The following SMIM27 variants were observed in gnomAD, a reference collection of about 807,000 sequenced individuals.
SMIM27 encodes the protein transition zone microprotein 1, also known as TOPORS antisense RNA 1 (non-protein coding).
Under a neutral mutation model 1.8 loss-of-function variants are expected in SMIM27, and 3 were observed. That is an observed-to-expected ratio of 1.65 (90% CI 0.75 to 4.28). SMIM27 has a LOEUF of 4.28. Among genes scored for constraint, SMIM27 ranks in the 30% most tolerant of loss-of-function variants. The pLI is 0.02. For missense variants in SMIM27, 63 were observed against 37.0 expected (o/e 1.70, Z -1.83); for synonymous variants, 19 against 13.9 (o/e 1.37, Z -0.82).
intron 1 of SMIM27, among the ~76,000 whole-genome samples, chr9:32,561,593 T>C (rs1250041145): frequency 6.6e-6 from 1 of 152,062 alleles, no homozygotes; most frequent in Non-Finnish European, 1.5e-5. Flanking sequence ...CCTCCCAAAG[T>C]GCCAGGATTA....
intron 1 of SMIM27, chr9:32,566,351 A>AG: frequency 8.5e-7 from 1 of 1,179,230 alleles, no homozygotes; most frequent in South Asian, 1.2e-5. Flanking sequence ...CCACCAGTGT[A>AG]GGAATGATGG....
chr9:32,563,491 C>CTTTTT (rs111646430), intron 1 of SMIM27, among the ~76,000 whole-genome samples: 2 of 92,004 alleles, frequency 2.2e-5, no homozygotes, highest in African/African-American at 8.9e-5. Context: ...GACTATTGGG[C>CTTTTT]TTTTTTTTTT....
chr9:32,552,540 G>T, intron 1 of SMIM27, 61 bp downstream of exon 1: 1 of 1,477,548 alleles, frequency 6.8e-7, no homozygotes, highest in Non-Finnish European at 9.3e-7. Context: ...AGGCGGAAAG[G>T]CCCTATTTCT....
At chr9:32,559,032 AT>A in intron 1 of SMIM27, 1 of 995,340 alleles carries the variant, frequency 1.0e-6, no homozygotes. Context: ...CATACCCCAA[AT>A]TTTAACTTAA....
At chr9:32,558,462 A>G (rs1821534212) in intron 1 of SMIM27, among the ~76,000 whole-genome samples, 1 of 152,216 alleles carries the variant, frequency 6.6e-6, no homozygotes, top group Non-Finnish European at 1.5e-5. Flanking sequence ...TCACAGATGG[A>G]GAACTTAAGG....
rs1233380310 is a variant in SMIM27 at position 32,552,856 on chromosome 9, T to C, written c.101T>C (p.Val34Ala). 1 of 702,796 alleles carries C rather than the reference T, an allele frequency of 1.4e-6. No homozygotes were observed. Among genetic ancestry groups the C allele is most frequent in the Non-Finnish European group, 2.6e-6 (1 of 384,836 alleles). 43.5% of individuals were successfully genotyped at this position (702,796 alleles called of 1,614,324 possible). ...GGCTGCATCATCTATGCTTCGATGG[T>C]GTCTGCAAGACGACAGCTAAGGAAG... is the stretch of plus-strand genomic sequence containing the variant. ...SWGCIIYASMVSARRQLRKKY... is the reference protein window; with the variant it reads ...SWGCIIYASMASARRQLRKKY... The change falls in exon 2 of 2, where the codon GTG (valine) becomes GCG (alanine). Residue 34 changes from valine (V) to alanine (A), a missense_variant. Val to Ala is a moderately conservative substitution (Grantham distance 64). Transcript: ENST00000692500.
intron 1 of SMIM27, 119 bp from the exon 2 acceptor site, chr9:32,552,682 A>G: frequency 1.5e-6 from 1 of 654,186 alleles, no homozygotes; most frequent in South Asian, 1.7e-5. Context: ...CGCCACTGGA[A>G]CCCCATTTAT....
chr9:32,562,026 C>G (rs1165503555), intron 1 of SMIM27, among the ~76,000 whole-genome samples: 2 of 152,174 alleles, frequency 1.3e-5, no homozygotes, highest in Non-Finnish European at 2.9e-5. Flanking sequence ...ACATGCAGTT[C>G]AACTTCTTCT....
intron 1 of SMIM27, chr9:32,566,092 T>C: frequency 2.2e-6 from 1 of 445,632 alleles, no homozygotes; most frequent in Non-Finnish European, 4.0e-6. Context: ...AAGGCACCTG[T>C]TAAAATTATG....
chr9:32,555,907 T>C (rs1016360910), downstream of SMIM27, among the ~76,000 whole-genome samples: 19 of 152,228 alleles, frequency 1.2e-4, no homozygotes, highest in Non-Finnish European at 2.2e-4. Context: ...GAGTGAGATT[T>C]CAGGATTGCC....
At chr9:32,552,752 G>A in intron 1 of SMIM27, 49 bp from the exon 2 acceptor site, 1 of 685,544 alleles carries the variant, frequency 1.5e-6, no homozygotes, top group Non-Finnish European at 2.7e-6. Flanking sequence ...ACGGGGGCGA[G>A]GGGAAATATC....
intron 1 of SMIM27, 53 bp from the exon 2 acceptor site, chr9:32,552,748 G>C: frequency 4.4e-6 from 3 of 684,502 alleles, no homozygotes; most frequent in Admixed American, 4.3e-5. Flanking sequence ...CCTGACGGGG[G>C]CGAGGGGAAA....
rs1435781779 is a variant in SMIM27 at position 32,552,813 on chromosome 9, A to C, written c.58A>C (p.Ile20Leu). ...ATTTTTGGTTTAGTTGCTGCTTGCC[A>C]TCGTTTTAATCTCCTGGGGCTGCAT... Reference protein sequence around the residue: ...DWIYSVLLLAIVLISWGCIIY... With the variant: ...DWIYSVLLLALVLISWGCIIY... The change falls in exon 2 of 2, where the codon ATC becomes CTC. Residue 20 changes from isoleucine to leucine, a missense_variant. Physicochemically the swap from Ile to Leu is conservative, Grantham distance 5. Transcript: ENST00000692500. 2.9e-6 allele frequency: 2 copies of C among 701,610 alleles called. No individual in the cohort carries two copies. Among genetic ancestry groups the C allele is most frequent in the East Asian group, 5.4e-5 (2 of 37,262 alleles). The allele number at this position is 701,610 out of a possible 1,614,324, so 43.5% of individuals were successfully genotyped here. A position where few individuals can be genotyped will look rare whatever the true frequency, so the allele number is the denominator to read the frequency against.
chr9:32,556,846 CTTTTT>C (rs10703297), downstream of SMIM27, among the ~76,000 whole-genome samples: 7 of 82,338 alleles, frequency 8.5e-5, no homozygotes, highest in South Asian at 5.0e-4. Flanking sequence ...AAATCCCCTA[CTTTTT>C]TTTTTTTTTT....
At chr9:32,559,215 C>T (rs1821560013) in intron 1 of SMIM27, among the ~76,000 whole-genome samples, 1 of 152,120 alleles carries the variant, frequency 6.6e-6, no homozygotes, top group African/African-American at 2.4e-5. Context: ...CTCTTATTCC[C>T]CCAGTTATGA....
At chr9:32,556,946 G>A (rs1821475716), downstream of SMIM27, among the ~76,000 whole-genome samples, 1 of 143,362 alleles carries the variant, frequency 7.0e-6, no homozygotes, top group Non-Finnish European at 1.5e-5. Context: ...CTGCCTCCCA[G>A]GTTCAGGCAA....
intron 1 of SMIM27, among the ~76,000 whole-genome samples, chr9:32,560,393 T>G (rs562453515): frequency 6.6e-6 from 1 of 152,328 alleles, no homozygotes; most frequent in South Asian, 2.1e-4. Context: ...AAATGTCTTT[T>G]CGATCCCAGA....
At chr9:32,557,155 GC>G (rs1821483547), downstream of SMIM27, among the ~76,000 whole-genome samples, 1 of 130,372 alleles carries the variant, frequency 7.7e-6, no homozygotes, top group East Asian at 2.1e-4. Context: ...ACCGCGCCTG[GC>G]CCCCACTTTT....
downstream of SMIM27, chr9:32,553,999 G>C: frequency 9.4e-7 from 1 of 1,064,176 alleles, no homozygotes; most frequent in Non-Finnish European, 1.4e-6. Context: ...AGAGGTGATA[G>C]TTCTATTCTG....
Sources: gnomAD v4.1 joint callset for allele counts (sites outside exome capture counted in the v4.1 genomes callset) on GRCh38, gnomAD v4.1.1 for gene constraint, MANE v1.5 for transcripts, NCBI Gene and HGNC (gene_info 2026-07-23, HGNC 2026-07-21) for gene names.